ELF1: variants seen among roughly 807,000 people sequenced by gnomAD.
ELF1 encodes ETS-related transcription factor Elf-1.
Under a neutral mutation model 59.9 loss-of-function variants are expected in ELF1, and 24 were observed. The ratio of observed to expected loss-of-function variants is 0.40; its 90% CI spans 0.29 to 0.56. The LOEUF is 0.56. ELF1 is among the 20% of genes least tolerant of loss of function. The probability of loss-of-function intolerance (pLI) is 0.44; values close to 1 mark genes in which losing one functional copy is unlikely to be tolerated. For missense variants in ELF1, 627 were observed against 742.2 expected, an observed-to-expected ratio of 0.84 and a Z score of 1.80; for synonymous variants, 248 against 266.2, an observed-to-expected ratio of 0.93 and a Z score of 0.67.
intron 1 of ELF1, among the ~76,000 whole-genome samples, chr13:40,999,397 C>T (rs1335043452): frequency 3.9e-5 from 6 of 152,072 alleles, no homozygotes; most frequent in South Asian, 2.1e-4. Context: ...TGCGTGTATG[C>T]GTACGTGAAT....
At chr13:40,970,012 C>A (rs1399721162) in intron 2 of ELF1, among the ~76,000 whole-genome samples, 1 of 152,130 alleles carries the variant, frequency 6.6e-6, no homozygotes, top group Non-Finnish European at 1.5e-5. Flanking sequence ...CAGTTTCTTT[C>A]ATTGTTACTG....
intron 2 of ELF1, among the ~76,000 whole-genome samples, chr13:40,966,925 C>T (rs1484784567): frequency 1.3e-5 from 2 of 152,176 alleles, no homozygotes; most frequent in Non-Finnish European, 2.9e-5. Flanking sequence ...GAGTAGTTCA[C>T]GCAACATCTT....
chr13:40,940,597 C>G (rs1870090751), intron 8 of ELF1, among the ~76,000 whole-genome samples: 1 of 152,064 alleles, frequency 6.6e-6, no homozygotes, highest in Admixed American at 6.5e-5. Flanking sequence ...ATTTTTGAAG[C>G]TTCTGACTTG....
chr13:41,002,884 T>C (rs890539149), intron 1 of ELF1, among the ~76,000 whole-genome samples: 4 of 152,190 alleles, frequency 2.6e-5, no homozygotes, highest in Non-Finnish European at 5.9e-5. Flanking sequence ...CTTAAGATTA[T>C]AAGCTACTTG....
chr13:40,986,228 G>A (rs1055323194), intron 1 of ELF1, among the ~76,000 whole-genome samples: 1 of 152,218 alleles, frequency 6.6e-6, no homozygotes, highest in Non-Finnish European at 1.5e-5. Flanking sequence ...ATCTTCTGCA[G>A]TGTGACAGAA....
At chr13:41,055,470 T>G (rs554897053) in intron 1 of ELF1, among the ~76,000 whole-genome samples, 17 of 151,456 alleles carry the variant, frequency 1.1e-4, no homozygotes, top group Non-Finnish European at 1.9e-4. Context: ...CCTTTCCTCA[T>G]TCCCCTCACA....
chr13:41,055,713 C>T (rs1877263020), intron 1 of ELF1, among the ~76,000 whole-genome samples: 1 of 152,004 alleles, frequency 6.6e-6, no homozygotes, highest in African/African-American at 2.4e-5. Flanking sequence ...GAGAGAGGGT[C>T]TCACCCTGTT....
intron 2 of ELF1, among the ~76,000 whole-genome samples, chr13:40,963,001 T>A (rs1593365474): frequency 6.6e-6 from 1 of 152,356 alleles, no homozygotes; most frequent in East Asian, 1.9e-4. Context: ...GCCACATAGC[T>A]GCTGCCATTG....
chr13:40,957,537 T>C (rs1251240517), intron 3 of ELF1, among the ~76,000 whole-genome samples: 1 of 149,662 alleles, frequency 6.7e-6, no homozygotes, highest in Non-Finnish European at 1.5e-5. Context: ...AAAAAGAAAG[T>C]GTGTAGCACC....
In ELF1 at chr13:40,956,046, C is replaced by A. The variant is rs1481230376; in HGVS notation, c.253+2790G>T. Among the ~76,000 whole-genome samples the A allele has an allele frequency of 6.2e-3, 913 of 148,450 alleles. 8 individuals carry two copies. Among genetic ancestry groups the A allele is most frequent in the South Asian group, 0.012 (54 of 4,474 alleles). ...ACTGGGAAGTGAGGAGCCCCTCTGC[C>A]CGGCCACCACCCCGTCTGGGAGGTG... On this transcript the variant is annotated intron_variant, in intron 3 of 8. Transcript: ENST00000239882.
chr13:40,982,841 A>C (rs1873356375), intron 1 of ELF1: 1 of 984,170 alleles, frequency 1.0e-6, no homozygotes, highest in African/African-American at 1.7e-5. Context: ...TGATAAGTAA[A>C]ATGTTTTAAA....
chr13:41,019,839 A>G (rs1388879287), upstream of ELF1, among the ~76,000 whole-genome samples: 2 of 152,226 alleles, frequency 1.3e-5, no homozygotes, highest in African/African-American at 4.8e-5. Context: ...TTCACTAAAC[A>G]GATAAAATCC....
At chr13:41,040,035 G>GA (rs1234316265) in intron 1 of ELF1, among the ~76,000 whole-genome samples, 2 of 152,014 alleles carry the variant, frequency 1.3e-5, no homozygotes, top group African/African-American at 4.8e-5. Context: ...AGGGTACATG[G>GA]AAAAAAATGT....
chr13:40,941,589 A>C (rs576428941), intron 7 of ELF1, among the ~76,000 whole-genome samples: 1 of 152,296 alleles, frequency 6.6e-6, no homozygotes, highest in Admixed American at 6.5e-5. Flanking sequence ...ACTAATGCTG[A>C]TTGGGGGACT....
chr13:41,053,905 A>T (rs528788303), intron 1 of ELF1, among the ~76,000 whole-genome samples: 9 of 152,230 alleles, frequency 5.9e-5, no homozygotes, highest in Admixed American at 1.3e-4. Flanking sequence ...TCCAAAACGT[A>T]GAGAACTTTT....
chr13:40,957,788 GA>G (rs1871547041), intron 3 of ELF1, among the ~76,000 whole-genome samples: 1 of 152,192 alleles, frequency 6.6e-6, no homozygotes, highest in African/African-American at 2.4e-5. Context: ...ATGAGGTATT[GA>G]CAACCAATGT....
chr13:40,989,079 T>C (rs1733138806), intron 1 of ELF1, among the ~76,000 whole-genome samples: 1 of 152,372 alleles, frequency 6.6e-6, no homozygotes, highest in Non-Finnish European at 1.5e-5. Flanking sequence ...ATTACAGGCA[T>C]GAGCCACTAC....
At chr13:41,058,699 G>A (rs1347066749) in intron 1 of ELF1, among the ~76,000 whole-genome samples, 2 of 152,230 alleles carry the variant, frequency 1.3e-5, no homozygotes, top group African/African-American at 2.4e-5. Context: ...AAGGCCTGGC[G>A]TGGTGGCTCA....
At chr13:40,984,792 A>G (rs1873466782) in intron 1 of ELF1, among the ~76,000 whole-genome samples, 2 of 152,220 alleles carry the variant, frequency 1.3e-5, no homozygotes. Context: ...CATAAATGCA[A>G]AATGACATTG....
Sources: allele counts gnomAD v4.1 joint callset (sites outside exome capture counted in the v4.1 genomes callset), GRCh38; gene constraint gnomAD v4.1.1; transcripts MANE v1.5; gene names NCBI Gene and HGNC (gene_info 2026-07-23, HGNC 2026-07-21).